Variants in ANKMY1 observed in about 807,000 individuals in gnomAD.
ANKMY1 encodes the protein ankyrin repeat and MYND domain-containing protein 1.
In ANKMY1, 98 loss-of-function variants were observed where a neutral mutation model predicts 102.0. That is an observed-to-expected ratio of 0.96 (90% CI 0.82 to 1.14). The LOEUF (loss-of-function observed/expected upper bound fraction) is 1.14. ANKMY1 is among the 50% of genes most tolerant of loss of function. ANKMY1 has a pLI of 0.00. For synonymous variants in ANKMY1, 582 were observed against 559.9 expected (o/e 1.04, Z -0.56); for missense variants, 1,330 against 1,347.6 (o/e 0.99, Z 0.20).
At chr2:240,507,273 G>A (rs995694953) in intron 13 of ANKMY1, among the ~76,000 whole-genome samples, 1 of 152,112 alleles carries the variant, frequency 6.6e-6, no homozygotes, top group African/African-American at 2.4e-5. Flanking sequence ...AAGTCCATGA[G>A]GACCCCACCC....
intron 4 of ANKMY1, among the ~76,000 whole-genome samples, chr2:240,545,850 C>T (rs1251970195): frequency 3.9e-5 from 6 of 152,232 alleles, no homozygotes; most frequent in South Asian, 2.1e-4. Flanking sequence ...CCAAGAAATA[C>T]GGGACTATGT....
chr2:240,505,154 G>C (rs896837604), intron 13 of ANKMY1, among the ~76,000 whole-genome samples: 2 of 151,566 alleles, frequency 1.3e-5, no homozygotes, highest in African/African-American at 4.8e-5. Context: ...AAATAGTATG[G>C]AGGTTCTTCA....
intron 13 of ANKMY1, 93 bp downstream of exon 13, chr2:240,507,467 T>A: frequency 5.2e-6 from 6 of 1,161,338 alleles, no homozygotes; most frequent in East Asian, 5.0e-5. Context: ...TCCCCGCTCA[T>A]CAGGGCCACC....
At chr2:240,549,617 T>C (rs1013742985) in intron 4 of ANKMY1, among the ~76,000 whole-genome samples, 4 of 152,186 alleles carry the variant, frequency 2.6e-5, no homozygotes, top group African/African-American at 9.6e-5. Context: ...CCTACTCATC[T>C]GACAAAGGGC....
chr2:240,557,981 G>C lies in ANKMY1; in HGVS notation c.-118C>G, dbSNP rs1450380823. 4.1e-6 allele frequency: 4 copies of C among 985,488 alleles called. No individual in the cohort carries two copies. The highest frequency in any genetic ancestry group is 4.8e-6 in the Non-Finnish European group (4 of 830,062). 61.0% of individuals were successfully genotyped at this position (985,488 alleles called of 1,614,324 possible). A position where few individuals can be genotyped will look rare whatever the true frequency, so the allele number is the denominator to read the frequency against. ...CCCGTCCCGACTGCTTGCCAGCCCT[G>C]CGCCTACGGAGAGCGTCGCGTTTCC... On this transcript the variant is annotated 5_prime_UTR_variant, in exon 1 of 18. Coordinates refer to ENST00000401804, the MANE Select transcript of ANKMY1 (RefSeq NM_001282771.3).
At position 240,481,104 on chromosome 2, in the gene ANKMY1, C is replaced by T; in HGVS notation, c.2886-7G>A. ...GAACTTGAAGAAGGGAATTCTGCAA[C>T]AGAGCCTCACCGTCAGCAGGCGGCC... is the stretch of plus-strand genomic sequence containing the variant. On this transcript the variant is annotated splice_polypyrimidine_tract_variant and splice_region_variant and intron_variant, in intron 16 of 17. Coordinates refer to ENST00000401804, the MANE Select transcript of ANKMY1 (RefSeq NM_001282771.3). 1 of 1,604,244 alleles carries T rather than the reference C, an allele frequency of 6.2e-7. No homozygotes were observed. The highest frequency in any genetic ancestry group is 8.5e-7 in the Non-Finnish European group (1 of 1,172,086).
chr2:240,469,675 C>T, the ANKMY1 span, among the ~76,000 whole-genome samples: 1 of 149,674 alleles, frequency 6.7e-6, no homozygotes, highest in African/African-American at 2.5e-5. Flanking sequence ...TCCACATTTA[C>T]ACACACAAAC....
At chr2:240,537,696 T>C (rs1443187515) in intron 4 of ANKMY1, among the ~76,000 whole-genome samples, 1 of 152,214 alleles carries the variant, frequency 6.6e-6, no homozygotes, top group Non-Finnish European at 1.5e-5. Context: ...TGTGCATGTC[T>C]ATAATGGTGT....
intron 4 of ANKMY1, among the ~76,000 whole-genome samples, chr2:240,538,361 G>A (rs979395961): frequency 9.9e-5 from 15 of 152,176 alleles, no homozygotes; most frequent in African/African-American, 3.6e-4. Flanking sequence ...GGCTCGGGGG[G>A]CCCACACTCA....
chr2:240,507,424 C>A, intron 13 of ANKMY1, 136 bp downstream of exon 13: 1 of 1,121,660 alleles, frequency 8.9e-7, no homozygotes, highest in Non-Finnish European at 1.2e-6. Flanking sequence ...CCACCCAGCC[C>A]TTATACCCCT....
chr2:240,536,564 G>T (rs900008628), intron 4 of ANKMY1, among the ~76,000 whole-genome samples: 2 of 152,162 alleles, frequency 1.3e-5, no homozygotes, highest in Admixed American at 1.3e-4. Flanking sequence ...GTGGTAATAA[G>T]AATTCAGAGA....
chr2:240,561,023 C>T (rs1430741334), upstream of ANKMY1: 17 of 1,537,060 alleles, frequency 1.1e-5, no homozygotes, highest in Non-Finnish European at 1.5e-5. Context: ...CGGCCGCCGT[C>T]TGCACCGCGT....
chr2:240,494,676 G>A (rs2077024184), intron 15 of ANKMY1, among the ~76,000 whole-genome samples: 2 of 152,170 alleles, frequency 1.3e-5, no homozygotes, highest in South Asian at 4.1e-4. Flanking sequence ...GGAACCCAGT[G>A]CAACCTTCCT....
In ANKMY1 at chr2:240,507,604, G is replaced by A. The variant is rs746809100; in HGVS notation, c.2482C>T (p.Leu828=). The stretch of plus-strand genomic sequence containing the variant: ...ATGTTCCTCTGGTGCTCGTAGGTCA[G>A]GTCACAGGCAACACACAGGGCACTG... ...LGSALCVACD[L]TYEHQRNMDS... is the part of the protein sequence containing the mutation. The change falls in exon 13 of 18, where the codon CTG becomes TTG. Residue 828 remains leucine (L), a synonymous_variant. Coordinates refer to ENST00000401804, the MANE Select transcript of ANKMY1 (RefSeq NM_001282771.3). The A allele has an allele frequency of 5.6e-6, 9 of 1,611,540 alleles. No individual in the cohort carries two copies. The Admixed American group carries it at 1.3e-4, about 24-fold the overall frequency.
Position 240,529,485 on chromosome 2 carries a change from A to G in ANKMY1, c.505T>C (p.Phe169Leu), listed in dbSNP as rs79653153. The change falls in exon 5 of 18, where the codon TTT becomes CTT. Residue 169 changes from phenylalanine to leucine, a missense_variant. Phe to Leu is a conservative substitution (Grantham distance 22, BLOSUM62 0). Coordinates refer to ENST00000401804, the MANE Select transcript of ANKMY1 (RefSeq NM_001282771.3). This position sits in a 1 kb window ranked among gnomAD's most constrained non-coding sequence, Gnocchi z 4.2. ...FQGLYKADQR[F>L]GPGVETYPDG... is the part of the protein sequence containing the mutation. ...GGGTAGGTCTCGACACCTGGCCCAA[A>G]CCGCTGGTCCGCTTTGTATAGCCCC... 5.6e-6 allele frequency: 9 copies of G among 1,613,364 alleles called. No individual in the cohort carries two copies. The highest frequency in any genetic ancestry group is 7.6e-6 in the Non-Finnish European group (9 of 1,179,826).
At chr2:240,544,067 G>T (rs2089685961) in intron 4 of ANKMY1, among the ~76,000 whole-genome samples, 1 of 152,186 alleles carries the variant, frequency 6.6e-6, no homozygotes, top group African/African-American at 2.4e-5. Context: ...CTAAAGGTTA[G>T]TTCAAATTAT....
intron 3 of ANKMY1, chr2:240,553,994 G>A (rs2091963630): frequency 6.6e-6 from 1 of 152,220 alleles, no homozygotes; most frequent in Admixed American, 6.5e-5. Context: ...AACAGGGTGG[G>A]CCTGGAGTGC....
At chr2:240,557,126 G>A in intron 2 of ANKMY1, 64 bp downstream of exon 2, 1 of 1,386,122 alleles carries the variant, frequency 7.2e-7, no homozygotes, top group Non-Finnish European at 9.5e-7. Flanking sequence ...GCCTTAAGGA[G>A]AATCCCGGCT....
chr2:240,553,940 CAGG>C (rs922593913), intron 3 of ANKMY1: 3 of 152,338 alleles, frequency 2.0e-5, no homozygotes, highest in Admixed American at 6.5e-5. Flanking sequence ...GGCTTCCAGC[CAGG>C]AGACCTCATG....
Sources: gnomAD v4.1 joint callset for allele counts (sites outside exome capture counted in the v4.1 genomes callset) on GRCh38, gnomAD v4.1.1 for gene constraint, Gnocchi (gnomAD v3.1) non-coding constraint, MANE v1.5 for transcripts, NCBI Gene and HGNC (gene_info 2026-07-23, HGNC 2026-07-21) for gene names.